The following PTPRD variants were observed in gnomAD, a reference collection of about 807,000 sequenced individuals.
The protein encoded by PTPRD is receptor-type tyrosine-protein phosphatase delta.
In PTPRD, 34 loss-of-function variants were observed where a neutral mutation model predicts 214.5. The ratio of observed to expected loss-of-function variants is 0.16; its 90% confidence interval spans 0.12 to 0.21. The LOEUF (loss-of-function observed/expected upper bound fraction) is 0.21, where lower values mean the gene tolerates loss of function less well. Ranked by LOEUF, PTPRD falls within the 10% of genes least tolerant of loss-of-function variation. PTPRD has a pLI of 1.00. For synonymous variants in PTPRD, 1,128 were observed against 845.7 expected (o/e 1.33, Z -5.79); for missense variants, 2,545 against 2,398.7 (o/e 1.06, Z -1.27).
intron 3 of PTPRD, among the ~76,000 whole-genome samples, chr9:10,222,752 G>T (rs960215397): frequency 3.9e-5 from 6 of 151,956 alleles, no homozygotes; most frequent in Non-Finnish European, 8.8e-5. Context: ...AATGGGTATT[G>T]TTCTTCAGTA....
chr9:9,969,359 C>T (rs201970170), intron 4 of PTPRD, among the ~76,000 whole-genome samples: 1 of 152,110 alleles, frequency 6.6e-6, no homozygotes, highest in Admixed American at 6.5e-5. Flanking sequence ...TCAACTTCCT[C>T]TTCTTCCTAC....
At chr9:8,839,770 G>C (rs1436989912) in intron 11 of PTPRD, among the ~76,000 whole-genome samples, 2 of 150,562 alleles carry the variant, frequency 1.3e-5, no homozygotes, top group Admixed American at 6.7e-5. Flanking sequence ...TGATAACAGT[G>C]GGAGAAATGG....
chr9:8,617,209 C>T (rs1412388376), intron 14 of PTPRD, among the ~76,000 whole-genome samples: 4 of 151,950 alleles, frequency 2.6e-5, no homozygotes, highest in Non-Finnish European at 5.9e-5. Flanking sequence ...CAGCAATTAC[C>T]TAAAATACTT....
At chr9:10,317,399 AT>A (rs2096462279) in intron 3 of PTPRD, among the ~76,000 whole-genome samples, 1 of 151,984 alleles carries the variant, frequency 6.6e-6, no homozygotes, top group African/African-American at 2.4e-5. Flanking sequence ...TCATTAGCAC[AT>A]TTAGGTAAAA....
intron 5 of PTPRD, among the ~76,000 whole-genome samples, chr9:9,923,798 A>T (rs73643821): frequency 0.03 from 4,623 of 151,996 alleles, 264 homozygotes; most frequent in African/African-American, 0.11. Flanking sequence ...TTTTAGAAAG[A>T]TACTAGAAGT....
intron 2 of PTPRD, among the ~76,000 whole-genome samples, chr9:10,491,306 T>C (rs1022398195): frequency 2.0e-5 from 3 of 152,148 alleles, no homozygotes; most frequent in Non-Finnish European, 2.9e-5. Context: ...TTTCTTTTCA[T>C]TGAGGAATAC....
chr9:10,508,688 C>A (rs187887455), intron 2 of PTPRD, among the ~76,000 whole-genome samples: 1 of 151,960 alleles, frequency 6.6e-6, no homozygotes. Flanking sequence ...AGCAAACTAT[C>A]GCAAGGACAA....
At chr9:8,797,655 A>C (rs1402539026) in intron 11 of PTPRD, among the ~76,000 whole-genome samples, 1 of 152,108 alleles carries the variant, frequency 6.6e-6, no homozygotes, top group Non-Finnish European at 1.5e-5. Context: ...TCATCCACCA[A>C]CTACATGTGA....
chr9:10,518,446 A>G (rs1404679031), intron 2 of PTPRD, among the ~76,000 whole-genome samples: 1 of 152,232 alleles, frequency 6.6e-6, no homozygotes, highest in Non-Finnish European at 1.5e-5. Flanking sequence ...GTGTGAAATA[A>G]AGATGTTTCA....
In PTPRD at chr9:10,390,673, A is replaced by G. The variant is rs559404556; in HGVS notation, c.-599-49656T>C. ...AGATCAGAACATACTTTTCTCTTCAAGATGGGGAAATAAGTGCAAGAAAGG... is the reference window on the plus strand; with the variant it reads ...AGATCAGAACATACTTTTCTCTTCAGGATGGGGAAATAAGTGCAAGAAAGG... On this transcript the variant is annotated intron_variant, in intron 2 of 45. Transcript: ENST00000381196. Among the ~76,000 whole-genome samples the G allele has an allele frequency of 3.3e-4, 50 of 151,788 alleles. 1 individual carries two copies. In the South Asian group the frequency reaches 1.0e-2, roughly 30 times the overall value.
chr9:9,010,411 G>T (rs2099505545), intron 11 of PTPRD, among the ~76,000 whole-genome samples: 1 of 152,172 alleles, frequency 6.6e-6, no homozygotes, highest in African/African-American at 2.4e-5. Context: ...TGTCTGGTGA[G>T]TTCAACATTT....
At chr9:8,555,302 G>A (rs180954837) in intron 14 of PTPRD, among the ~76,000 whole-genome samples, 406 of 152,300 alleles carry the variant, frequency 2.7e-3, no homozygotes, top group Non-Finnish European at 4.5e-3. Context: ...AGCTACTCAG[G>A]AGACTGAGGT....
intron 11 of PTPRD, among the ~76,000 whole-genome samples, chr9:8,930,718 T>C (rs2098946709): frequency 6.6e-6 from 1 of 152,234 alleles, no homozygotes; most frequent in Admixed American, 6.5e-5. Flanking sequence ...CCAGTGATGA[T>C]GAGCATTTTT....
At chr9:9,681,365 A>C (rs1341311827) in intron 7 of PTPRD, among the ~76,000 whole-genome samples, 1 of 151,740 alleles carries the variant, frequency 6.6e-6, no homozygotes, top group African/African-American at 2.4e-5. Flanking sequence ...CTGAATGGAT[A>C]TCATTCTCCC....
chr9:8,994,398 C>T lies in PTPRD; in HGVS notation c.-104+24299G>A, dbSNP rs767108909. ...CTAGCACAATGCTTAGTAAGCAGTA[C>T]ATGTCAATGAAAACAGGTTTCTTTT... On this transcript the variant is annotated intron_variant, in intron 11 of 45. Coordinates refer to ENST00000381196, the MANE Select transcript of PTPRD (RefSeq NM_002839.4). 2.0e-5 allele frequency among the ~76,000 whole-genome samples: 3 copies of T among 152,104 alleles called. No individual in the cohort carries two copies. In the South Asian group the frequency reaches 6.2e-4, roughly 31 times the overall value.
At chr9:9,697,152 G>A (rs888849351) in intron 7 of PTPRD, among the ~76,000 whole-genome samples, 30 of 152,086 alleles carry the variant, frequency 2.0e-4, no homozygotes, top group African/African-American at 7.0e-4. Context: ...TTAAGTTGTT[G>A]TAGCTATTTT....
chr9:8,794,684 A>G lies in PTPRD; in HGVS notation c.-103-60738T>C, dbSNP rs563905834. ...GGCAGCAACATAACTTCCCCCTAAA[A>G]TGAGAAATAAATTACAGAGTTGTCT... On this transcript the variant is annotated intron_variant, in intron 11 of 45. Coordinates refer to ENST00000381196, the MANE Select transcript of PTPRD (RefSeq NM_002839.4). Among the ~76,000 whole-genome samples, 16 of 152,186 alleles carry G rather than the reference A, an allele frequency of 1.1e-4. No individual in the cohort carries two copies. In the South Asian group the frequency reaches 3.1e-3, roughly 30 times the overall value.
At chr9:9,840,859 T>C (rs887208116) in intron 5 of PTPRD, among the ~76,000 whole-genome samples, 1 of 151,660 alleles carries the variant, frequency 6.6e-6, no homozygotes, top group Non-Finnish European at 1.5e-5. Flanking sequence ...TTTATATTTC[T>C]TCCAATTTGG....
intron 32 of PTPRD, among the ~76,000 whole-genome samples, chr9:8,461,662 T>C (rs2096407690): frequency 6.6e-6 from 1 of 151,716 alleles, no homozygotes; most frequent in Non-Finnish European, 1.5e-5. Context: ...TTTACCTTTC[T>C]AGACAATTTT....
Sources: gnomAD v4.1 joint callset for allele counts (sites outside exome capture counted in the v4.1 genomes callset) on GRCh38, gnomAD v4.1.1 for gene constraint, MANE v1.5 for transcripts, NCBI Gene and HGNC (gene_info 2026-07-23, HGNC 2026-07-21) for gene names.